Variants in DPP6 observed in about 807,000 individuals in gnomAD.
DPP6 encodes A-type potassium channel modulatory protein DPP6.
In DPP6, 69 loss-of-function variants were observed where a neutral mutation model predicts 122.6. The observed-to-expected ratio is 0.56, with a 90% CI of 0.46 to 0.69. DPP6 has a LOEUF of 0.69. Among genes scored for constraint, DPP6 ranks in the 30% least tolerant of loss-of-function variants. The pLI is 0.00. For missense variants in DPP6, 928 were observed against 1,116.9 expected (o/e 0.83, Z 2.41); for synonymous variants, 418 against 433.1 (o/e 0.97, Z 0.43).
the DPP6 span, among the ~76,000 whole-genome samples, chr7:153,756,368 C>T: frequency 2.0e-5 from 3 of 151,430 alleles, no homozygotes; most frequent in South Asian, 2.1e-4. Context: ...TCCAACAAAA[C>T]GCAGTTAATG....
chr7:154,669,426 T>A lies in DPP6; in HGVS notation c.747T>A (p.Pro249=). 1 of 1,554,586 alleles carries A rather than the reference T, an allele frequency of 6.4e-7. No individual in the cohort carries two copies. Among genetic ancestry groups the A allele is most frequent in the South Asian group, 1.2e-5 (1 of 83,972 alleles). ...AACTTCAGTATGCAGGATGGGGCCC[T>A]AAAGGCCAACAGCTGGTAAGCCAAT... ...NAKLQYAGWG[P]KGQQLIFIFE... is the part of the protein sequence containing the mutation. Residue 249 remains proline, a synonymous_variant, in exon 7 of 26, where the codon CCT becomes CCA. Coordinates refer to ENST00000377770, the MANE Select transcript of DPP6 (RefSeq NM_130797.4).
rs552213384 is a variant in DPP6, at chr7:154,136,966, A to G, written c.243+83903A>G. ...TGCTCAGTGAAAATGCACTTTACCT[A>G]TAGATAGGGTTGGGAGAACCACCCT... On this transcript the variant is annotated intron_variant, in intron 1 of 25. Coordinates refer to ENST00000377770, the MANE Select transcript of DPP6 (RefSeq NM_130797.4). 2.6e-4 allele frequency among the ~76,000 whole-genome samples: 40 copies of G among 152,342 alleles called. 1 individual carries two copies. The highest frequency in any genetic ancestry group is 4.1e-4 in the South Asian group (2 of 4,832).
chr7:154,868,919 C>T (rs1029669740), intron 18 of DPP6, among the ~76,000 whole-genome samples: 2 of 152,286 alleles, frequency 1.3e-5, no homozygotes, highest in South Asian at 2.1e-4. Context: ...AAGTTGGTGT[C>T]GAATAACTGA....
intron 1 of DPP6, among the ~76,000 whole-genome samples, chr7:153,940,595 C>T (rs966852919): frequency 1.3e-5 from 2 of 152,150 alleles, no homozygotes; most frequent in African/African-American, 2.4e-5. Flanking sequence ...ACGGTCTACC[C>T]ACCCCAGCTG....
intron 1 of DPP6, among the ~76,000 whole-genome samples, chr7:153,970,183 C>T (rs1795956757): frequency 6.6e-6 from 1 of 152,108 alleles, no homozygotes; most frequent in Non-Finnish European, 1.5e-5. Context: ...ATTCTTTTAG[C>T]AAAATATTTA....
At chr7:154,876,242 C>A in intron 20 of DPP6, 142 bp downstream of exon 20, 1 of 1,298,466 alleles carries the variant, frequency 7.7e-7, no homozygotes, top group African/African-American at 1.5e-5. Flanking sequence ...AATCTCTTGG[C>A]CATTCCAAAG....
At chr7:154,574,288 CGTATGTGTGT>C (rs1288876372) in intron 5 of DPP6, among the ~76,000 whole-genome samples, 1 of 98,858 alleles carries the variant, frequency 1.0e-5, no homozygotes, top group Non-Finnish European at 2.0e-5. Flanking sequence ...GTGTGTGTGG[CGTATGTGTGT>C]GTATGTGTGT....
chr7:154,889,611 C>T, intron 25 of DPP6, 81 bp downstream of exon 25: 1 of 1,541,020 alleles, frequency 6.5e-7, no homozygotes, highest in Non-Finnish European at 8.7e-7. Context: ...GTGTTCAGGG[C>T]CTTCTACTGC....
chr7:154,790,369 C>T (rs1166783275), intron 10 of DPP6, among the ~76,000 whole-genome samples: 1 of 152,136 alleles, frequency 6.6e-6, no homozygotes, highest in Non-Finnish European at 1.5e-5. Context: ...TAAATGGCAA[C>T]AGGATTAGAA....
chr7:154,308,576 T>C (rs1806576665), intron 1 of DPP6, among the ~76,000 whole-genome samples: 1 of 152,146 alleles, frequency 6.6e-6, no homozygotes, highest in Admixed American at 6.5e-5. Context: ...TCGGTGAAAA[T>C]GGCTGAGCAT....
intron 1 of DPP6, among the ~76,000 whole-genome samples, chr7:154,034,624 G>C (rs1353021225): frequency 1.3e-5 from 2 of 152,164 alleles, no homozygotes; most frequent in East Asian, 3.8e-4. Context: ...AGCTCGACAA[G>C]CATGACTCAG....
rs1471589003 is a variant in DPP6 at position 154,872,618 on chromosome 7, C to G, written c.1814-6C>G. 6 of 1,597,022 alleles carry G rather than the reference C, an allele frequency of 3.8e-6. No homozygotes were observed. Among genetic ancestry groups the G allele is most frequent in the Non-Finnish European group, 5.1e-6 (6 of 1,172,096 alleles). ...CTAACCCGTGCTGTGCTCTGCTTCT[C>G]CCCAGACCTGCCCATGCAGATACTG... is the stretch of plus-strand genomic sequence containing the variant. On this transcript the variant is annotated splice_polypyrimidine_tract_variant and splice_region_variant and intron_variant, in intron 18 of 25. Coordinates refer to ENST00000377770, the MANE Select transcript of DPP6 (RefSeq NM_130797.4).
At chr7:154,054,199 G>A (rs11977795) in intron 1 of DPP6, among the ~76,000 whole-genome samples, 3 of 152,082 alleles carry the variant, frequency 2.0e-5, no homozygotes, top group Non-Finnish European at 4.4e-5. Flanking sequence ...GACATACCCA[G>A]GGCAGTACAT....
intron 21 of DPP6, chr7:154,883,861 T>TTACA (rs1805756463): frequency 1.6e-5 from 1 of 63,160 alleles, no homozygotes; most frequent in Non-Finnish European, 3.1e-5. Context: ...GCTCACATGA[T>TTACA]TACACATGCT....
At chr7:153,851,652 A>G in the DPP6 span, among the ~76,000 whole-genome samples, 4 of 152,190 alleles carry the variant, frequency 2.6e-5, no homozygotes, top group Non-Finnish European at 4.4e-5. Context: ...GTCCATTTAT[A>G]AAGAATAATT....
At chr7:154,245,487 T>A (rs1055898643) in intron 1 of DPP6, among the ~76,000 whole-genome samples, 1 of 151,258 alleles carries the variant, frequency 6.6e-6, no homozygotes, top group Non-Finnish European at 1.5e-5. Flanking sequence ...ATACAAAAAT[T>A]AGCCAGGCAT....
chr7:153,765,647 T>C, the DPP6 span, among the ~76,000 whole-genome samples: 23 of 152,182 alleles, frequency 1.5e-4, no homozygotes, highest in Non-Finnish European at 1.2e-4. Context: ...GGATGTATTT[T>C]GGTTTATGTG....
the DPP6 span, among the ~76,000 whole-genome samples, chr7:153,754,143 T>C: frequency 6.6e-6 from 1 of 152,170 alleles, no homozygotes; most frequent in Non-Finnish European, 1.5e-5. Flanking sequence ...AGGACAGGGA[T>C]AGCAAAGCTT....
In DPP6 at chr7:154,499,757, C is replaced by G. The variant is rs556008792; in HGVS notation, c.457+24720C>G. Among the ~76,000 whole-genome samples, 10 of 152,242 alleles carry G rather than the reference C, an allele frequency of 6.6e-5. No homozygotes were observed. In the Middle Eastern group the frequency reaches 0.014, roughly 207 times the overall value. ...ATATCCCCACCACCCACCAACCCCC[C>G]CAGATCCCATACACTATATCATTCC... is the stretch of plus-strand genomic sequence containing the variant. On this transcript the variant is annotated intron_variant, in intron 3 of 25. Transcript: ENST00000377770.
Sources: allele counts gnomAD v4.1 joint callset (sites outside exome capture counted in the v4.1 genomes callset), GRCh38; gene constraint gnomAD v4.1.1; transcripts MANE v1.5; gene names NCBI Gene and HGNC (gene_info 2026-07-23, HGNC 2026-07-21).